The following VPS13C variants were observed in gnomAD, a reference collection of about 807,000 sequenced individuals.
VPS13C encodes vacuolar protein sorting 13 homolog C.
A neutral mutation model predicts 456.8 loss-of-function variants in VPS13C; 358 were observed. The observed-to-expected ratio is 0.78, with a 90% confidence interval of 0.72 to 0.86. The LOEUF is 0.86. Among genes scored for constraint, VPS13C ranks in the 40% least tolerant of loss-of-function variants. The pLI is 0.00. For synonymous variants in VPS13C, 1,578 were observed against 1,486.7 expected (o/e 1.06, Z -1.41); for missense variants, 4,818 against 4,385.4 (o/e 1.10, Z -2.79).
At chr15:62,037,008 T>G (rs1016369128) in intron 3 of VPS13C, among the ~76,000 whole-genome samples, 18 of 149,206 alleles carry the variant, frequency 1.2e-4, no homozygotes, top group African/African-American at 2.2e-4. Flanking sequence ...AAAAAAAAGA[T>G]AGTTATAAAG....
intron 29 of VPS13C, 64 bp downstream of exon 29, chr15:61,967,304 T>G: frequency 9.4e-6 from 13 of 1,387,748 alleles, no homozygotes; most frequent in Non-Finnish European, 1.3e-5. Flanking sequence ...TACTGTCATA[T>G]TCTTCCTTCC....
chr15:61,982,703 C>CA (rs1234321240), intron 20 of VPS13C, 130 bp from the exon 21 acceptor site: 6 of 593,258 alleles, frequency 1.0e-5, no homozygotes, highest in Non-Finnish European at 1.7e-5. Flanking sequence ...TTCTGTCCTA[C>CA]TACATCTCCC....
intron 17 of VPS13C, 39 bp from the exon 18 acceptor site, chr15:61,991,133 A>G (rs775538067): frequency 7.0e-7 from 1 of 1,433,654 alleles, no homozygotes; most frequent in Non-Finnish European, 9.6e-7. Flanking sequence ...AATTGCTTCC[A>G]TTTTACAAAT....
chr15:62,052,145 G>A (rs775743396), intron 1 of VPS13C, among the ~76,000 whole-genome samples: 7 of 152,050 alleles, frequency 4.6e-5, no homozygotes, highest in Non-Finnish European at 1.0e-4. Flanking sequence ...AAACAAAAAT[G>A]CCATGCCATA....
intron 5 of VPS13C, among the ~76,000 whole-genome samples, chr15:62,030,472 G>T (rs1189212003): frequency 6.6e-6 from 1 of 152,014 alleles, no homozygotes; most frequent in African/African-American, 2.4e-5. Context: ...AGGAGCAAGT[G>T]CCGGCATCAT....
chr15:61,985,608 G>A (rs954256869), intron 18 of VPS13C, among the ~76,000 whole-genome samples: 1 of 152,080 alleles, frequency 6.6e-6, no homozygotes, highest in East Asian at 1.9e-4. Flanking sequence ...AGCATTTTGT[G>A]GCATAAAGAT....
chr15:61,951,981 C>A lies in VPS13C; in HGVS notation c.4300-1G>T. The A allele has an allele frequency of 6.2e-7, 1 of 1,610,376 alleles. No homozygotes were observed. Among genetic ancestry groups the A allele is most frequent in the Non-Finnish European group, 8.5e-7 (1 of 1,178,686 alleles). On this transcript the variant is annotated splice_acceptor_variant, in intron 38 of 84. Coordinates refer to ENST00000644861, the MANE Select transcript of VPS13C (RefSeq NM_020821.3). LOFTEE classifies it high-confidence loss of function. ...ATTTTTTCATCAAAGTAACCACAACCTAAAAAACGGTACCAGTATTACCAC... is the reference window on the plus strand; with the variant it reads ...ATTTTTTCATCAAAGTAACCACAACATAAAAAACGGTACCAGTATTACCAC...
intron 27 of VPS13C, among the ~76,000 whole-genome samples, chr15:61,971,734 G>C (rs1319577224): frequency 6.6e-6 from 1 of 152,162 alleles, no homozygotes. Flanking sequence ...TTTGAATTTA[G>C]GGTCATGGGA....
Position 62,020,623 on chromosome 15 carries a change from G to C in VPS13C, c.625-85C>G, listed in dbSNP as rs1207313384. The C allele has an allele frequency of 3.7e-6, 5 of 1,360,690 alleles. No homozygotes were observed. In the East Asian group the frequency reaches 7.1e-5, roughly 19 times the overall value. 84.3% of individuals were successfully genotyped at this position (1,360,690 alleles called of 1,614,324 possible). A position where few individuals can be genotyped will look rare whatever the true frequency, so the allele number is the denominator to read the frequency against. On this transcript the variant is annotated intron_variant, in intron 8 of 84. Coordinates refer to ENST00000644861, the MANE Select transcript of VPS13C (RefSeq NM_020821.3). ...TTTACAATAGGCAGCAGAGGGAAAT[G>C]TGTTTACAGGTTAAGCCATACAACC...
chr15:61,920,108 A>G lies in VPS13C; in HGVS notation c.7436T>C (p.Ile2479Thr), dbSNP rs375424084. The G allele has an allele frequency of 2.5e-6, 4 of 1,613,146 alleles. No individual in the cohort carries two copies. Among genetic ancestry groups the G allele is most frequent in the East Asian group, 4.5e-5 (2 of 44,872 alleles). ...MVPSSQGNLSILSRQESSFFT... is the reference protein window; with the variant it reads ...MVPSSQGNLSTLSRQESSFFT... Reference sequence around the variant, plus strand: ...GAAGGAGCTTTCTTGACGGCTCAATATAGATAGGTTCCCTTGACTTGAAGG... The same window carrying G: ...GAAGGAGCTTTCTTGACGGCTCAATGTAGATAGGTTCCCTTGACTTGAAGG... The change falls in exon 57 of 85, where the codon ATA becomes ACA. Residue 2479 changes from isoleucine to threonine, a missense_variant. Ile to Thr is a moderately conservative substitution (Grantham distance 89). Around this residue, in one of 3 missense-constraint regions of VPS13C, gnomAD observed 4,552 missense variants for 4,130.6 expected, o/e 1.10. Coordinates refer to ENST00000644861, the MANE Select transcript of VPS13C (RefSeq NM_020821.3).
At chr15:61,919,478 C>G in intron 57 of VPS13C, 29 bp from the exon 58 acceptor site, 1 of 1,463,456 alleles carries the variant, frequency 6.8e-7, no homozygotes, top group Non-Finnish European at 9.0e-7. Context: ...GAAAAGAATT[C>G]CAAATATTAA....
intron 66 of VPS13C, among the ~76,000 whole-genome samples, chr15:61,900,604 A>G (rs2042967669): frequency 6.6e-6 from 1 of 151,694 alleles, no homozygotes; most frequent in Admixed American, 6.6e-5. Context: ...TCAAGGAAAT[A>G]AAAGAGGATA....
At position 62,023,783 on chromosome 15, in the gene VPS13C, T is replaced by C. The variant is rs150832196; in HGVS notation, c.511A>G (p.Lys171Glu). The stretch of plus-strand genomic sequence containing the variant: ...GCATAAAACTACTTTTACCTACCTT[T>C]TGAACGATCAAGACCTTTAAAAGGT... ...KKPFKGLDRSKDKPKEAKKDT... is the reference protein window; with the variant it reads ...KKPFKGLDRSEDKPKEAKKDT... Residue 171 changes from lysine to glutamate, a missense_variant, in exon 7 of 85, where the codon AAA (lysine) becomes GAA (glutamate). Lys to Glu is a moderately conservative substitution (Grantham distance 56). Transcript: ENST00000644861. 1,496 of 1,610,110 alleles carry C rather than the reference T, an allele frequency of 9.3e-4. 4 individuals are homozygous for C. The highest frequency in any genetic ancestry group is 8.8e-4 in the Non-Finnish European group (1,037 of 1,177,712).
chr15:61,902,050 G>A lies in VPS13C; in HGVS notation c.9105+5214C>T, dbSNP rs2043014537. On this transcript the variant is annotated intron_variant, in intron 66 of 84. Coordinates refer to ENST00000644861, the MANE Select transcript of VPS13C (RefSeq NM_020821.3). Reference sequence around the variant, plus strand: ...CACAGCATATTCTCACTCATAGGTGGGAACTGAACAATGCGATCACATGGA... The same window carrying A: ...CACAGCATATTCTCACTCATAGGTGAGAACTGAACAATGCGATCACATGGA... Among the ~76,000 whole-genome samples, 6 of 147,862 alleles carry A rather than the reference G, an allele frequency of 4.1e-5. No individual in the cohort carries two copies. The South Asian group carries it at 1.3e-3, about 32-fold the overall frequency.
chr15:61,945,527 A>G (rs2044573935), intron 45 of VPS13C, among the ~76,000 whole-genome samples, 188 bp downstream of exon 45: 1 of 152,226 alleles, frequency 6.6e-6, no homozygotes, highest in Non-Finnish European at 1.5e-5. Flanking sequence ...ATATCTTCAA[A>G]ACAATAATTT....
intron 48 of VPS13C, among the ~76,000 whole-genome samples, chr15:61,936,245 T>C (rs1368309722): frequency 2.0e-5 from 3 of 152,222 alleles, no homozygotes; most frequent in African/African-American, 7.2e-5. Flanking sequence ...ATCACCTGAG[T>C]ATGACATGTG....
chr15:61,999,726 C>A (rs924671661), intron 16 of VPS13C, among the ~76,000 whole-genome samples: 2 of 150,794 alleles, frequency 1.3e-5, no homozygotes, highest in Non-Finnish European at 2.9e-5. Flanking sequence ...TGGAACACTG[C>A]GCACAAGGCA....
rs768041470 is a variant in VPS13C at position 61,964,765 on chromosome 15, T to C, written c.3148A>G (p.Ile1050Val). 305 of 1,612,752 alleles carry C rather than the reference T, an allele frequency of 1.9e-4. No homozygotes were observed. Among genetic ancestry groups the C allele is most frequent in the Non-Finnish European group, 2.5e-4 (292 of 1,179,112 alleles). Residue 1050 changes from isoleucine to valine, a missense_variant, in exon 31 of 85, where the codon ATA becomes GTA. Physicochemically the swap from Ile to Val is conservative, Grantham distance 29 (BLOSUM62 3). This residue lies in a region of VPS13C where 4,552 missense variants were observed against 4,130.6 expected (regional missense o/e 1.10). Coordinates refer to ENST00000644861, the MANE Select transcript of VPS13C (RefSeq NM_020821.3). ...ATTTGTACCTCCTTAGCAACACTTATGCTTTGATCATCAGATGGAATAATG... is the reference window on the plus strand; with the variant it reads ...ATTTGTACCTCCTTAGCAACACTTACGCTTTGATCATCAGATGGAATAATG... ...TTIIPSDDQSISVAKEVQIST... is the reference protein window; with the variant it reads ...TTIIPSDDQSVSVAKEVQIST...
intron 3 of VPS13C, among the ~76,000 whole-genome samples, chr15:62,040,669 A>G (rs1305005547): frequency 6.6e-6 from 1 of 152,158 alleles, no homozygotes; most frequent in Non-Finnish European, 1.5e-5. Context: ...CAATATATCC[A>G]TGTAACAAGC....
Sources: gnomAD v4.1 joint callset for allele counts (sites outside exome capture counted in the v4.1 genomes callset) on GRCh38, gnomAD v4.1.1 for gene constraint, gnomAD v4.1.1 regional missense constraint, MANE v1.5 for transcripts, NCBI Gene and HGNC (gene_info 2026-07-23, HGNC 2026-07-21) for gene names.